Variants in ARHGAP10 observed in about 807,000 individuals in gnomAD.
The protein encoded by ARHGAP10 is Rho GTPase activating protein 10.
Under a neutral mutation model 108.6 loss-of-function variants are expected in ARHGAP10, and 87 were observed. The ratio of observed to expected loss-of-function variants is 0.80; its 90% CI spans 0.67 to 0.96. The LOEUF is 0.96. Among genes scored for constraint, ARHGAP10 ranks in the 40% least tolerant of loss-of-function variants. The probability of loss-of-function intolerance (pLI) is 0.00; values close to 1 mark genes in which losing one functional copy is unlikely to be tolerated. For missense variants in ARHGAP10, 939 were observed against 954.5 expected, an observed-to-expected ratio of 0.98 and a Z score of 0.21; for synonymous variants, 347 against 341.1, an observed-to-expected ratio of 1.02 and a Z score of -0.19.
intron 18 of ARHGAP10, among the ~76,000 whole-genome samples, chr4:148,005,159 C>G (rs1385160511): frequency 1.3e-5 from 2 of 152,208 alleles, no homozygotes; most frequent in Non-Finnish European, 2.9e-5. Context: ...GCCTCAGGGT[C>G]TTTGCACTTA....
chr4:147,954,151 A>T (rs2575582), intron 15 of ARHGAP10, among the ~76,000 whole-genome samples: 1 of 151,836 alleles, frequency 6.6e-6, no homozygotes, highest in Non-Finnish European at 1.5e-5. Flanking sequence ...GCCTGTATGC[A>T]CTGGGAATGT....
intron 1 of ARHGAP10, among the ~76,000 whole-genome samples, chr4:147,740,754 G>GA (rs1220837374): frequency 1.3e-5 from 2 of 151,976 alleles, no homozygotes; most frequent in Non-Finnish European, 2.9e-5. Flanking sequence ...TATTCTTTTA[G>GA]TATTAGGCTT....
chr4:148,017,256 G>A (rs1007721837), intron 18 of ARHGAP10, among the ~76,000 whole-genome samples: 4 of 152,148 alleles, frequency 2.6e-5, no homozygotes, highest in African/African-American at 7.2e-5. Flanking sequence ...GATGCCTTCC[G>A]AAATGGAGGT....
At chr4:147,919,488 A>G (rs1030357437) in intron 13 of ARHGAP10, among the ~76,000 whole-genome samples, 6 of 152,212 alleles carry the variant, frequency 3.9e-5, no homozygotes, top group Non-Finnish European at 8.8e-5. Context: ...GCTTTTTTAC[A>G]CTGAGCTAAA....
At chr4:147,766,392 C>T (rs1056502859) in intron 1 of ARHGAP10, among the ~76,000 whole-genome samples, 1 of 152,000 alleles carries the variant, frequency 6.6e-6, no homozygotes, top group Admixed American at 6.6e-5. Context: ...AATGTAAATG[C>T]TATGTAAATA....
intron 3 of ARHGAP10, among the ~76,000 whole-genome samples, chr4:147,829,729 G>A (rs1308308905): frequency 6.6e-6 from 1 of 152,178 alleles, no homozygotes; most frequent in Non-Finnish European, 1.5e-5. Flanking sequence ...AGCTGTCCAG[G>A]AATCTAAGGA....
At chr4:147,770,349 A>G (rs1304906537) in intron 1 of ARHGAP10, among the ~76,000 whole-genome samples, 2 of 152,072 alleles carry the variant, frequency 1.3e-5, no homozygotes, top group Non-Finnish European at 1.5e-5. Context: ...ACATGGTGAA[A>G]CCCTGTCTCT....
chr4:147,951,679 G>A (rs757983018), intron 15 of ARHGAP10, among the ~76,000 whole-genome samples: 1 of 151,064 alleles, frequency 6.6e-6, no homozygotes. Flanking sequence ...TCTTAAACTC[G>A]TCGTCTCAAG....
At chr4:147,801,240 G>C (rs915738236) in intron 1 of ARHGAP10, among the ~76,000 whole-genome samples, 1 of 152,190 alleles carries the variant, frequency 6.6e-6, no homozygotes, top group African/African-American at 2.4e-5. Flanking sequence ...GAACCAGTTA[G>C]GTTAAATGAC....
At chr4:147,788,011 G>C (rs1304388813) in intron 1 of ARHGAP10, among the ~76,000 whole-genome samples, 1 of 152,072 alleles carries the variant, frequency 6.6e-6, no homozygotes, top group Non-Finnish European at 1.5e-5. Flanking sequence ...AGAAAACTTC[G>C]TGAGAATTTA....
At chr4:147,911,367 TGTC>T (rs1736721211) in intron 12 of ARHGAP10, among the ~76,000 whole-genome samples, 1 of 152,176 alleles carries the variant, frequency 6.6e-6, no homozygotes. Flanking sequence ...TTTTTGTTGT[TGTC>T]GTTGTTGTTG....
intron 12 of ARHGAP10, among the ~76,000 whole-genome samples, chr4:147,911,244 G>C (rs1736717459): frequency 6.6e-6 from 1 of 152,060 alleles, no homozygotes; most frequent in South Asian, 2.1e-4. Context: ...AGCACTATGG[G>C]TTATGTATGA....
At chr4:147,955,232 C>T in intron 15 of ARHGAP10, 84 bp from the exon 16 acceptor site, 1 of 1,313,542 alleles carries the variant, frequency 7.6e-7, no homozygotes, top group Non-Finnish European at 1.1e-6. Flanking sequence ...AAATGCATAA[C>T]AAATTTAACA....
chr4:147,784,637 T>C (rs1340908119), intron 1 of ARHGAP10, among the ~76,000 whole-genome samples: 1 of 87,054 alleles, frequency 1.1e-5, no homozygotes, highest in East Asian at 3.4e-4. Flanking sequence ...TTATATATTA[T>C]AAATATAAAA....
chr4:147,887,500 T>G (rs912312503), intron 10 of ARHGAP10, among the ~76,000 whole-genome samples: 5 of 152,146 alleles, frequency 3.3e-5, no homozygotes, highest in African/African-American at 4.8e-5. Flanking sequence ...TCCCTTTCAT[T>G]TACTGCCCAT....
intron 10 of ARHGAP10, among the ~76,000 whole-genome samples, chr4:147,893,043 G>A (rs1490890526): frequency 6.6e-6 from 1 of 151,914 alleles, no homozygotes; most frequent in Non-Finnish European, 1.5e-5. Context: ...ACAAATACTT[G>A]TGGAATTGAA....
At chr4:148,067,128 T>G (rs565611051) in intron 22 of ARHGAP10, among the ~76,000 whole-genome samples, 1 of 152,358 alleles carries the variant, frequency 6.6e-6, no homozygotes, top group African/African-American at 2.4e-5. Context: ...GAGCGTCTCA[T>G]TTAATGTGAG....
At chr4:147,753,025 T>C (rs542570929) in intron 1 of ARHGAP10, among the ~76,000 whole-genome samples, 1 of 152,376 alleles carries the variant, frequency 6.6e-6, no homozygotes, top group East Asian at 1.9e-4. Flanking sequence ...AGGAGCCTGC[T>C]ACCCAGAAGG....
At chr4:148,054,966 C>T (rs1384859817) in intron 20 of ARHGAP10, among the ~76,000 whole-genome samples, 2 of 152,182 alleles carry the variant, frequency 1.3e-5, no homozygotes, top group Non-Finnish European at 2.9e-5. Context: ...TCAGTGACTG[C>T]AGGACAGTAA....
Sources: gnomAD v4.1 joint callset for allele counts (sites outside exome capture counted in the v4.1 genomes callset) on GRCh38, gnomAD v4.1.1 for gene constraint, MANE v1.5 for transcripts, NCBI Gene and HGNC (gene_info 2026-07-23, HGNC 2026-07-21) for gene names.